The following TTC7A variants were observed in gnomAD, a reference collection of about 807,000 sequenced individuals.
TTC7A encodes the protein tetratricopeptide repeat domain 7A, also known as tetratricopeptide repeat protein 7A.
TTC7A carries 110 observed loss-of-function variants against 103.7 expected under a neutral mutation model. The ratio of observed to expected loss-of-function variants is 1.06; its 90% CI spans 0.91 to 1.24. The LOEUF (loss-of-function observed/expected upper bound fraction) is 1.24, where lower values mean the gene tolerates loss of function less well. TTC7A is among the 50% of genes most tolerant of loss of function. The pLI is 0.00. For missense variants in TTC7A, 1,340 were observed against 1,116.3 expected (o/e 1.20, Z -2.86); for synonymous variants, 521 against 467.9 (o/e 1.11, Z -1.47).
At position 47,025,520 on chromosome 2, in the gene TTC7A, C is replaced by T. The variant is rs1056686524; in HGVS notation, c.1641+1161C>T. Among the ~76,000 whole-genome samples, 12 of 152,312 alleles carry T rather than the reference C, an allele frequency of 7.9e-5. No individual in the cohort carries two copies. In the East Asian group the frequency reaches 2.3e-3, roughly 29 times the overall value. The stretch of plus-strand genomic sequence containing the variant: ...GCCCTGCGTCAGCCTGGCTCCTCCT[C>T]TCGTCACAGTTACTCTCAGTGCTGG... On this transcript the variant is annotated intron_variant, in intron 14 of 19. Transcript: ENST00000319190.
Position 47,059,468 on chromosome 2 carries a change from A to G in TTC7A, c.2153-1301A>G, listed in dbSNP as rs1683593330. Among the ~76,000 whole-genome samples the G allele has an allele frequency of 2.0e-5, 3 of 152,042 alleles. No individual in the cohort carries two copies. In the South Asian group the frequency reaches 6.2e-4, roughly 32 times the overall value. On this transcript the variant is annotated intron_variant, in intron 18 of 19. Coordinates refer to ENST00000319190, the MANE Select transcript of TTC7A (RefSeq NM_020458.4). ...GGTGGTTTCTGTAGCTGTTACCAACACTGCCTGGTTTGTGCCCTCCTTTGC... is the reference window on the plus strand; with the variant it reads ...GGTGGTTTCTGTAGCTGTTACCAACGCTGCCTGGTTTGTGCCCTCCTTTGC...
chr2:47,073,379 G>C (rs1684937741), intron 19 of TTC7A, among the ~76,000 whole-genome samples: 2 of 152,194 alleles, frequency 1.3e-5, no homozygotes, highest in East Asian at 1.9e-4. Flanking sequence ...CTGAGGGCCA[G>C]AGAGCTGGGA....
chr2:46,940,848 G>GTCGGCCGGCCTC (rs1670269930), upstream of TTC7A, among the ~76,000 whole-genome samples: 1 of 152,120 alleles, frequency 6.6e-6, no homozygotes, highest in Non-Finnish European at 1.5e-5. This position sits in a 1 kb window ranked among gnomAD's most constrained non-coding sequence, Gnocchi z 4.7. Flanking sequence ...GTTGGGGCCT[G>GTCGGCCGGCCTC]TCGGCCGGCC....
At chr2:47,024,505 C>A in intron 14 of TTC7A, 146 bp downstream of exon 14, 1 of 698,544 alleles carries the variant, frequency 1.4e-6, no homozygotes, top group Non-Finnish European at 2.3e-6. Context: ...TCCTTTGAGC[C>A]CTCATCAGAG....
Position 47,060,752 on chromosome 2 carries a change from C to A in TTC7A, c.2153-17C>A. 1.3e-6 allele frequency: 2 copies of A among 1,583,164 alleles called. No individual in the cohort carries two copies. Among genetic ancestry groups the A allele is most frequent in the East Asian group, 2.3e-5 (1 of 44,342 alleles). ...TCCCCACCACTCACACCTCCCACTG[C>A]CCTTCTGCTTTTGCAGCTGAGCTGT... On this transcript the variant is annotated splice_polypyrimidine_tract_variant and intron_variant, in intron 18 of 19. Coordinates refer to ENST00000319190, the MANE Select transcript of TTC7A (RefSeq NM_020458.4).
chr2:46,975,130 G>T (rs1320588946), intron 4 of TTC7A, 27 bp downstream of exon 4: 5 of 1,611,570 alleles, frequency 3.1e-6, no homozygotes, highest in Non-Finnish European at 3.4e-6. Flanking sequence ...ACCGTGGTAG[G>T]AGCTGCTCTC....
chr2:46,921,464 G>A (rs1053497573), intron 2 of TTC7A, among the ~76,000 whole-genome samples: 9 of 152,186 alleles, frequency 5.9e-5, no homozygotes, highest in Admixed American at 2.6e-4. Flanking sequence ...AGCATACTTT[G>A]TCTTAATAGT....
intron 1 of TTC7A, among the ~76,000 whole-genome samples, chr2:46,946,479 A>C (rs1670947255): frequency 6.6e-6 from 1 of 152,016 alleles, no homozygotes; most frequent in Non-Finnish European, 1.5e-5. Flanking sequence ...GCTGGAGTGC[A>C]GTGGCACAGT....
intron 3 of TTC7A, among the ~76,000 whole-genome samples, chr2:46,963,060 C>T (rs2104090660): frequency 6.6e-6 from 1 of 152,350 alleles, no homozygotes; most frequent in South Asian, 2.1e-4. Flanking sequence ...CAGGGCTCTT[C>T]TCAGGCACCC....
chr2:47,048,278 G>C (rs1446326560), intron 16 of TTC7A, among the ~76,000 whole-genome samples: 2 of 152,202 alleles, frequency 1.3e-5, no homozygotes, highest in Non-Finnish European at 2.9e-5. Flanking sequence ...TCAAGGTAGG[G>C]ACCATGCTGT....
At chr2:46,930,747 G>A (rs140813354) in intron 2 of TTC7A, among the ~76,000 whole-genome samples, 1 of 152,158 alleles carries the variant, frequency 6.6e-6, no homozygotes, top group East Asian at 1.9e-4. Context: ...TGATCCACCC[G>A]CCTCAGCCTC....
At chr2:46,986,998 A>G (rs913271183) in intron 5 of TTC7A, among the ~76,000 whole-genome samples, 1 of 152,188 alleles carries the variant, frequency 6.6e-6, no homozygotes, top group African/African-American at 2.4e-5. Flanking sequence ...GTCTTGCCCT[A>G]TTGATTCAGT....
chr2:46,961,768 A>G (rs1672398950), intron 3 of TTC7A, among the ~76,000 whole-genome samples: 1 of 151,576 alleles, frequency 6.6e-6, no homozygotes, highest in Non-Finnish European at 1.5e-5. Context: ...ACAAAAAATT[A>G]GCTGGTCATG....
chr2:46,936,092 A>G (rs908424839), intron 2 of TTC7A, among the ~76,000 whole-genome samples: 1 of 152,224 alleles, frequency 6.6e-6, no homozygotes, highest in African/African-American at 2.4e-5. Flanking sequence ...CCCTGTCTCT[A>G]AAAACATAAA....
intron 19 of TTC7A, chr2:47,065,628 TTTCTC>T (rs1350980837): frequency 2.0e-5 from 3 of 152,222 alleles, no homozygotes; most frequent in African/African-American, 7.2e-5. Flanking sequence ...GAGCTTTTCT[TTTCTC>T]TGCTTCTTCT....
At chr2:46,944,674 A>G (rs925369232) in intron 1 of TTC7A, among the ~76,000 whole-genome samples, 1 of 152,120 alleles carries the variant, frequency 6.6e-6, no homozygotes, top group African/African-American at 2.4e-5. Context: ...CCCAGGCAAC[A>G]TACCTCAGGC....
At chr2:46,993,109 G>A (rs1462162035) in intron 5 of TTC7A, among the ~76,000 whole-genome samples, 2 of 152,208 alleles carry the variant, frequency 1.3e-5, no homozygotes, top group African/African-American at 4.8e-5. Flanking sequence ...GAGACTGACT[G>A]AGGTCAGAAA....
chr2:47,005,552 G>A (rs1677285731), intron 8 of TTC7A, among the ~76,000 whole-genome samples: 1 of 152,174 alleles, frequency 6.6e-6, no homozygotes, highest in African/African-American at 2.4e-5. Context: ...GTATGATCCT[G>A]GACTGGATCC....
At chr2:47,040,904 C>G (rs1221186092) in intron 15 of TTC7A, among the ~76,000 whole-genome samples, 2 of 152,224 alleles carry the variant, frequency 1.3e-5, no homozygotes, top group Admixed American at 6.5e-5. Context: ...TGAGTAACGA[C>G]ACAGTGTGAG....
Sources: allele counts gnomAD v4.1 joint callset (sites outside exome capture counted in the v4.1 genomes callset), GRCh38; gene constraint gnomAD v4.1.1; non-coding constraint Gnocchi (gnomAD v3.1); transcripts MANE v1.5; gene names NCBI Gene and HGNC (gene_info 2026-07-23, HGNC 2026-07-21).